Variants in RGL1 observed in about 807,000 individuals in gnomAD.
RGL1 encodes the protein ral guanine nucleotide dissociation stimulator-like 1.
RGL1 carries 24 observed loss-of-function variants against 95.2 expected under a neutral mutation model. The ratio of observed to expected loss-of-function variants is 0.25; its 90% CI spans 0.18 to 0.35. The LOEUF (loss-of-function observed/expected upper bound fraction) is 0.35. Among genes scored for constraint, RGL1 ranks in the 10% least tolerant of loss-of-function variants. RGL1 has a pLI of 1.00. For synonymous variants in RGL1, 329 were observed against 344.9 expected, an observed-to-expected ratio of 0.95 and a Z score of 0.51; for missense variants, 715 against 936.3, an observed-to-expected ratio of 0.76 and a Z score of 3.08.
intron 17 of RGL1, among the ~76,000 whole-genome samples, chr1:183,923,302 T>G (rs772976810): frequency 7.9e-5 from 12 of 152,188 alleles, no homozygotes; most frequent in Non-Finnish European, 1.6e-4. Flanking sequence ...TGGCTGAAAT[T>G]AGAATACTAC....
intron 2 of RGL1, among the ~76,000 whole-genome samples, chr1:183,846,243 G>A (rs1235141062): frequency 6.6e-6 from 1 of 152,154 alleles, no homozygotes; most frequent in Non-Finnish European, 1.5e-5. Flanking sequence ...GTCCTTTGGA[G>A]GGACATGGAT....
At chr1:183,729,209 T>A (rs1314532543) in intron 1 of RGL1, among the ~76,000 whole-genome samples, 1 of 151,848 alleles carries the variant, frequency 6.6e-6, no homozygotes, top group African/African-American at 2.4e-5. Flanking sequence ...TGTGTGTGTA[T>A]ACTATTTTAT....
rs1327663892 is a variant in RGL1, at chr1:183,927,126, G to C, written c.*834G>C. 2 of 152,584 alleles carry C rather than the reference G, an allele frequency of 1.3e-5. No individual in the cohort carries two copies. Among genetic ancestry groups the C allele is most frequent in the Admixed American group, 6.5e-5 (1 of 15,292 alleles). The allele number at this position is 152,584 out of a possible 1,614,324, so 9.5% of individuals were successfully genotyped here. Reference sequence around the variant, plus strand: ...TCATAATCATTGCACAAATAACCATGTTCTTTGGTAATGAAGCCAGAAAAG... The same window carrying C: ...TCATAATCATTGCACAAATAACCATCTTCTTTGGTAATGAAGCCAGAAAAG... On this transcript the variant is annotated 3_prime_UTR_variant, in exon 18 of 18. Coordinates refer to ENST00000360851, the MANE Select transcript of RGL1 (RefSeq NM_001297671.3).
chr1:183,664,946 C>T (rs565092000), intron 1 of RGL1, among the ~76,000 whole-genome samples: 3 of 152,164 alleles, frequency 2.0e-5, no homozygotes, highest in African/African-American at 7.2e-5. Flanking sequence ...GAGGGGACAT[C>T]CTTGCCTTGT....
At chr1:183,771,927 AC>A (rs1391705539) in intron 2 of RGL1, among the ~76,000 whole-genome samples, 1 of 152,324 alleles carries the variant, frequency 6.6e-6, no homozygotes, top group East Asian at 1.9e-4. Flanking sequence ...CGGTGAGAGG[AC>A]ACGGAGGGGA....
intron 4 of RGL1, among the ~76,000 whole-genome samples, chr1:183,868,012 C>A (rs1407271638): frequency 6.6e-6 from 1 of 152,162 alleles, no homozygotes; most frequent in African/African-American, 2.4e-5. Context: ...ATTTGAATGT[C>A]AAGCACAAGG....
intron 2 of RGL1, among the ~76,000 whole-genome samples, chr1:183,793,043 A>G (rs758587516): frequency 1.3e-5 from 2 of 152,198 alleles, no homozygotes; most frequent in African/African-American, 2.4e-5. Context: ...GAAATATACT[A>G]CAAACCTATA....
intron 2 of RGL1, among the ~76,000 whole-genome samples, chr1:183,782,079 C>T (rs1407972300): frequency 6.6e-6 from 1 of 152,174 alleles, no homozygotes; most frequent in African/African-American, 2.4e-5. Context: ...AATAAATCTT[C>T]TTTCACACCT....
chr1:183,785,619 C>T (rs1440277591), intron 2 of RGL1, among the ~76,000 whole-genome samples: 2 of 152,144 alleles, frequency 1.3e-5, no homozygotes, highest in African/African-American at 4.8e-5. Context: ...ATAATAGCTG[C>T]TTGCATGATT....
intron 3 of RGL1, among the ~76,000 whole-genome samples, chr1:183,864,136 T>A (rs1270850989): frequency 6.6e-6 from 1 of 152,116 alleles, no homozygotes; most frequent in Non-Finnish European, 1.5e-5. Flanking sequence ...AATAGAGAGA[T>A]CTGGAAACTT....
chr1:183,883,741 A>G (rs1200746436), intron 5 of RGL1, 45 bp from the exon 6 acceptor site: 2 of 1,608,832 alleles, frequency 1.2e-6, no homozygotes, highest in Non-Finnish European at 8.5e-7. Flanking sequence ...AAGCAAGATT[A>G]TATACACTGG....
At chr1:183,838,413 A>T (rs1663813801) in intron 2 of RGL1, among the ~76,000 whole-genome samples, 1 of 152,158 alleles carries the variant, frequency 6.6e-6, no homozygotes. Flanking sequence ...GTGATAAAAC[A>T]CTAGCTATTG....
chr1:183,851,749 T>G (rs541024593), intron 3 of RGL1, among the ~76,000 whole-genome samples: 1 of 152,344 alleles, frequency 6.6e-6, no homozygotes, highest in East Asian at 1.9e-4. Context: ...ACATGAGTAT[T>G]TCTTCCTTGC....
At chr1:183,645,753 C>T (rs1650247615) in intron 1 of RGL1, among the ~76,000 whole-genome samples, 1 of 152,190 alleles carries the variant, frequency 6.6e-6, no homozygotes, top group South Asian at 2.1e-4. Context: ...ATGAACTAGC[C>T]CACATTTCTT....
At chr1:183,774,893 T>A (rs1037708337) in intron 2 of RGL1, among the ~76,000 whole-genome samples, 9 of 152,062 alleles carry the variant, frequency 5.9e-5, no homozygotes, top group South Asian at 4.1e-4. Context: ...TATTTCTGAG[T>A]TCCTCAGGAG....
intron 1 of RGL1, among the ~76,000 whole-genome samples, chr1:183,720,395 C>T (rs1000109599): frequency 6.6e-6 from 1 of 152,196 alleles, no homozygotes; most frequent in South Asian, 2.1e-4. Context: ...TCCCTATACT[C>T]CCTCTTCACA....
intron 2 of RGL1, among the ~76,000 whole-genome samples, chr1:183,763,137 G>T (rs371695668): frequency 2.6e-5 from 4 of 152,054 alleles, no homozygotes; most frequent in African/African-American, 9.7e-5. Context: ...ACTAACACAA[G>T]AACAGAAAAC....
chr1:183,650,813 A>C (rs1650693376), intron 1 of RGL1, among the ~76,000 whole-genome samples: 1 of 151,640 alleles, frequency 6.6e-6, no homozygotes, highest in Non-Finnish European at 1.5e-5. Flanking sequence ...ATTCTCTTAC[A>C]ATGTTGTTTA....
Position 183,900,079 on chromosome 1 carries a change from G to T in RGL1, c.1231-71G>T. The T allele has an allele frequency of 2.4e-6, 3 of 1,237,168 alleles. No homozygotes were observed. In the South Asian group the frequency reaches 3.7e-5, roughly 15 times the overall value. The allele number at this position is 1,237,168 out of a possible 1,614,324, so 76.6% of individuals were successfully genotyped here. On this transcript the variant is annotated intron_variant, in intron 10 of 17. Transcript: ENST00000360851. Reference sequence around the variant, plus strand: ...GCCTTGAATACATCCATTTGCTCCAGCTTGAAGATTCCTAAAACCCCTCAA... The same window carrying T: ...GCCTTGAATACATCCATTTGCTCCATCTTGAAGATTCCTAAAACCCCTCAA...
Sources: allele counts gnomAD v4.1 joint callset (sites outside exome capture counted in the v4.1 genomes callset), GRCh38; gene constraint gnomAD v4.1.1; transcripts MANE v1.5; gene names NCBI Gene and HGNC (gene_info 2026-07-23, HGNC 2026-07-21).